The following TPO variants were observed in gnomAD, a reference collection of about 807,000 sequenced individuals.
TPO encodes the protein thyroid microsomal antigen.
TPO carries 78 observed loss-of-function variants against 96.9 expected under a neutral mutation model. The observed-to-expected ratio is 0.81, with a 90% CI of 0.67 to 0.97. The LOEUF is 0.97. Among genes scored for constraint, TPO ranks in the 50% least tolerant of loss-of-function variants. The probability of loss-of-function intolerance (pLI) is 0.00; values close to 1 mark genes in which losing one functional copy is unlikely to be tolerated. For missense variants in TPO, 1,252 were observed against 1,274.8 expected (o/e 0.98, Z 0.27); for synonymous variants, 547 against 538.0 (o/e 1.02, Z -0.23).
At chr2:1,479,446 G>A (rs1254297558) in intron 8 of TPO, among the ~76,000 whole-genome samples, 1 of 152,176 alleles carries the variant, frequency 6.6e-6, no homozygotes. Context: ...TGTCTCCTCA[G>A]GAGCAGGATT....
At chr2:1,442,843 C>T (rs1199351827) in intron 5 of TPO, among the ~76,000 whole-genome samples, 4 of 152,184 alleles carry the variant, frequency 2.6e-5, no homozygotes, top group Non-Finnish European at 4.4e-5. Context: ...ATACAAAGGT[C>T]AGTGATTGAT....
At chr2:1,500,044 GTC>G (rs1342522716) in intron 13 of TPO, among the ~76,000 whole-genome samples, 1 of 152,218 alleles carries the variant, frequency 6.6e-6, no homozygotes, top group Non-Finnish European at 1.5e-5. Flanking sequence ...TTAGCAGGGC[GTC>G]TGTTGACTTG....
chr2:1,540,590 A>C lies in TPO; in HGVS notation c.2619-4A>C, dbSNP rs1473085195. On this transcript the variant is annotated splice_region_variant and splice_polypyrimidine_tract_variant and intron_variant, in intron 15 of 16. Transcript: ENST00000329066. ...CCCGATAACTGGACACGTGTCTCCCACAGGACACGCACTGGCACTAAATCC... is the reference window on the plus strand; with the variant it reads ...CCCGATAACTGGACACGTGTCTCCCCCAGGACACGCACTGGCACTAAATCC... 6.2e-7 allele frequency: 1 copy of C among 1,612,986 alleles called. No individual in the cohort carries two copies. Among genetic ancestry groups the C allele is most frequent in the African/African-American group, 1.3e-5 (1 of 74,874 alleles).
chr2:1,436,277 C>A lies in TPO; in HGVS notation c.375C>A (p.Ser125Arg), dbSNP rs1424856175. The A allele has an allele frequency of 9.3e-6, 15 of 1,614,092 alleles. No homozygotes were observed. Among genetic ancestry groups the A allele is most frequent in the Non-Finnish European group, 1.3e-5 (15 of 1,180,054 alleles). The change falls in exon 5 of 17, where the codon AGC becomes AGA. Residue 125 changes from serine to arginine, a missense_variant. Coordinates refer to ENST00000329066, the MANE Select transcript of TPO (RefSeq NM_001206744.2). ...PTDALSEDLL[S>R]IIANMSGCLP... ...ATGCTTTATCAGAAGATCTGCTGAG[C>A]ATCATTGCAAACATGTCTGGATGTC... is the stretch of plus-strand genomic sequence containing the variant.
rs568077932 is a variant in TPO at position 1,430,872 on chromosome 2, A to G, written c.180-2566A>G. On this transcript the variant is annotated intron_variant, in intron 3 of 16. Coordinates refer to ENST00000329066, the MANE Select transcript of TPO (RefSeq NM_001206744.2). ...TACCCAATGCTGGTGCCCCCATTGT[A>G]TCTTGGAAACATATAACTGCTTTTT... 9.2e-5 allele frequency among the ~76,000 whole-genome samples: 14 copies of G among 152,308 alleles called. No individual in the cohort carries two copies. The South Asian group carries it at 2.9e-3, about 32-fold the overall frequency.
At chr2:1,530,875 C>T (rs1227809990) in intron 15 of TPO, among the ~76,000 whole-genome samples, 11 of 135,734 alleles carry the variant, frequency 8.1e-5, no homozygotes, top group Non-Finnish European at 1.4e-4. Flanking sequence ...GTGCAACCTC[C>T]GCAAATCCCC....
chr2:1,448,797 T>A (rs1482652708), intron 5 of TPO, among the ~76,000 whole-genome samples: 3 of 152,120 alleles, frequency 2.0e-5, no homozygotes, highest in African/African-American at 7.2e-5. Flanking sequence ...AGTGGTGAGC[T>A]CTAAAGGACC....
intron 1 of TPO, among the ~76,000 whole-genome samples, chr2:1,402,599 C>T (rs1213399692): frequency 6.6e-6 from 1 of 152,124 alleles, no homozygotes; most frequent in Non-Finnish European, 1.5e-5. Context: ...GCCTCACAAT[C>T]ATGGCAGAAG....
intron 3 of TPO, among the ~76,000 whole-genome samples, chr2:1,425,049 T>C: frequency 8.6e-6 from 1 of 115,944 alleles, no homozygotes; most frequent in East Asian, 2.5e-4. Context: ...TGTAAAGTCA[T>C]TGTTCTGGAT....
At position 1,531,616 on chromosome 2, in the gene TPO, TC is replaced by T. The variant is rs568390780; in HGVS notation, c.2619-8974del. On this transcript the variant is annotated intron_variant, in intron 15 of 16. Coordinates refer to ENST00000329066, the MANE Select transcript of TPO (RefSeq NM_001206744.2). ...CATATCCCCCCCACTCTGTGCAACC[TC>T]CCCAAAACACCCCTCAATGTGTGCA... is the stretch of plus-strand genomic sequence containing the variant. Among the ~76,000 whole-genome samples, 223 of 50,012 alleles carry T rather than the reference TC, an allele frequency of 4.5e-3. 18 individuals carry two copies. Among genetic ancestry groups the T allele is most frequent in the African/African-American group, 0.012 (150 of 12,472 alleles). The allele number at this position is 50,012 out of a possible 152,430, so 32.8% of individuals were successfully genotyped here. A position where few individuals can be genotyped will look rare whatever the true frequency, so the allele number is the denominator to read the frequency against.
intron 14 of TPO, among the ~76,000 whole-genome samples, chr2:1,509,818 C>G (rs1221683919): frequency 6.8e-6 from 1 of 146,844 alleles, no homozygotes; most frequent in Non-Finnish European, 1.5e-5. Context: ...ATTTCAGGAA[C>G]AGGACACCCT....
chr2:1,432,617 G>T (rs1344460465), intron 3 of TPO, among the ~76,000 whole-genome samples: 5 of 121,414 alleles, frequency 4.1e-5, no homozygotes, highest in African/African-American at 1.3e-4. Context: ...GCAGGTGAGG[G>T]GAGGCCTGCA....
chr2:1,438,046 G>A, intron 5 of TPO, among the ~76,000 whole-genome samples: 1 of 152,078 alleles, frequency 6.6e-6, no homozygotes, highest in East Asian at 1.9e-4. Context: ...GAGGGCCTGG[G>A]TGGAGGAGGG....
intron 4 of TPO, among the ~76,000 whole-genome samples, chr2:1,435,031 T>A (rs1369274913): frequency 2.0e-5 from 3 of 152,192 alleles, no homozygotes; most frequent in African/African-American, 7.2e-5. Flanking sequence ...CCTCCCAGGT[T>A]CACGCCATTC....
rs569190882 is a variant in TPO, at chr2:1,523,889, G to C, written c.2618+6907G>C. ...CAAATCCCCCCAGTGTGTACAACTTGCTTAAATCCCCCCAACTGTAATCAA... is the reference window on the plus strand; with the variant it reads ...CAAATCCCCCCAGTGTGTACAACTTCCTTAAATCCCCCCAACTGTAATCAA... On this transcript the variant is annotated intron_variant, in intron 15 of 16. Transcript: ENST00000329066. 6.2e-3 allele frequency among the ~76,000 whole-genome samples: 382 copies of C among 61,552 alleles called. 7 individuals carry two copies. Among genetic ancestry groups the C allele is most frequent in the African/African-American group, 0.025 (357 of 14,364 alleles). The allele number at this position is 61,552 out of a possible 152,430, so 40.4% of individuals were successfully genotyped here. A position where few individuals can be genotyped will look rare whatever the true frequency, so the allele number is the denominator to read the frequency against.
intron 1 of TPO, among the ~76,000 whole-genome samples, chr2:1,394,701 T>C (rs1662052552): frequency 6.6e-6 from 1 of 152,168 alleles, no homozygotes; most frequent in African/African-American, 2.4e-5. Flanking sequence ...ACCCGGGCCC[T>C]GCCCAGAGAG....
chr2:1,406,338 A>AT (rs35507872), intron 1 of TPO, among the ~76,000 whole-genome samples: 2 of 152,220 alleles, frequency 1.3e-5, no homozygotes, highest in African/African-American at 2.4e-5. Context: ...AAAAAGTACC[A>AT]TTTTTTAAAA....
chr2:1,402,585 G>T (rs1259824844), intron 1 of TPO, among the ~76,000 whole-genome samples: 1 of 152,124 alleles, frequency 6.6e-6, no homozygotes, highest in African/African-American at 2.4e-5. Context: ...ATATGGCTGG[G>T]GAGGCCTCAC....
chr2:1,450,491 C>T lies in TPO; in HGVS notation c.483-3203C>T, dbSNP rs142977097. Among the ~76,000 whole-genome samples, 606 of 152,270 alleles carry T rather than the reference C, an allele frequency of 4.0e-3. 4 individuals carry two copies. The highest frequency in any genetic ancestry group is 5.1e-3 in the Non-Finnish European group (347 of 68,026). ...TGTTTCTCTTTGTTCATTTTGTCAG[C>T]TTTATGAGCCTTTTTCCAATGCTGC... On this transcript the variant is annotated intron_variant, in intron 5 of 16. Coordinates refer to ENST00000329066, the MANE Select transcript of TPO (RefSeq NM_001206744.2).
Sources: gnomAD v4.1 joint callset for allele counts (sites outside exome capture counted in the v4.1 genomes callset) on GRCh38, gnomAD v4.1.1 for gene constraint, MANE v1.5 for transcripts, NCBI Gene and HGNC (gene_info 2026-07-23, HGNC 2026-07-21) for gene names.